The following PACRG variants were observed in gnomAD, a reference collection of about 807,000 sequenced individuals.
The protein encoded by PACRG is parkin coregulated.
Under a neutral mutation model 29.7 loss-of-function variants are expected in PACRG, and 29 were observed. The observed-to-expected ratio is 0.98, with a 90% CI of 0.73 to 1.33. The LOEUF is 1.33. PACRG is among the 40% of genes most tolerant of loss of function. The pLI is 0.00. For missense variants in PACRG, 279 were observed against 316.2 expected (o/e 0.88, Z 0.89); for synonymous variants, 116 against 118.7 (o/e 0.98, Z 0.15).
chr6:163,029,734 T>C (rs1025328261), intron 2 of PACRG, among the ~76,000 whole-genome samples: 2 of 152,154 alleles, frequency 1.3e-5, no homozygotes, highest in African/African-American at 4.8e-5. Context: ...GAAGGGGAGC[T>C]GCAGACCCTC....
chr6:163,126,379 C>G (rs113734554), intron 4 of PACRG, among the ~76,000 whole-genome samples: 3 of 152,276 alleles, frequency 2.0e-5, no homozygotes, highest in Non-Finnish European at 4.4e-5. Flanking sequence ...CATTAATCCC[C>G]CTAGATGAGC....
intron 1 of PACRG, among the ~76,000 whole-genome samples, chr6:162,789,852 A>T (rs762581659): frequency 2.6e-5 from 4 of 152,184 alleles, no homozygotes; most frequent in Non-Finnish European, 5.9e-5. Context: ...GACCACTTTT[A>T]AAAATATCAA....
intron 1 of PACRG, among the ~76,000 whole-genome samples, chr6:162,804,703 G>A (rs1786169631): frequency 1.3e-5 from 2 of 152,120 alleles, no homozygotes; most frequent in Non-Finnish European, 2.9e-5. Context: ...GACCTTGACT[G>A]AAAACCCTTC....
intron 4 of PACRG, among the ~76,000 whole-genome samples, chr6:163,304,805 C>T (rs1044457398): frequency 5.9e-5 from 9 of 152,142 alleles, no homozygotes; most frequent in East Asian, 5.8e-4. Flanking sequence ...TGCAAGTGAC[C>T]GGCTTCGTGA....
intron 1 of PACRG, among the ~76,000 whole-genome samples, chr6:162,794,343 T>C (rs1292437285): frequency 1.3e-5 from 2 of 152,182 alleles, no homozygotes; most frequent in Non-Finnish European, 2.9e-5. Flanking sequence ...TAATATGTTT[T>C]GAATACTAAT....
At chr6:162,935,083 A>G (rs1020997975) in intron 2 of PACRG, among the ~76,000 whole-genome samples, 2 of 151,936 alleles carry the variant, frequency 1.3e-5, no homozygotes, top group African/African-American at 4.8e-5. Context: ...CTTGTATGTG[A>G]TTGGATGCTT....
chr6:163,171,718 C>T (rs1779095663), intron 4 of PACRG, among the ~76,000 whole-genome samples: 1 of 152,166 alleles, frequency 6.6e-6, no homozygotes, highest in Non-Finnish European at 1.5e-5. Context: ...TAGATGTATA[C>T]AGAGGACTGA....
intron 1 of PACRG, among the ~76,000 whole-genome samples, chr6:162,801,563 A>G (rs926565682): frequency 1.3e-5 from 2 of 152,184 alleles, no homozygotes; most frequent in African/African-American, 2.4e-5. Flanking sequence ...GCACATGTTA[A>G]TTTTGGTTTT....
chr6:162,910,591 T>G lies in PACRG; in HGVS notation c.291+96310T>G, dbSNP rs146546913. On this transcript the variant is annotated intron_variant, in intron 2 of 4. Transcript: ENST00000366888. ...CACAAAAACCATTATATTAAACCTT[T>G]CTATTTGTGTAGATATTAGCAATTT... Among the ~76,000 whole-genome samples the G allele has an allele frequency of 8.9e-3, 1,354 of 152,336 alleles. 11 individuals are homozygous for G. Among genetic ancestry groups the G allele is most frequent in the Non-Finnish European group, 0.014 (932 of 68,024 alleles).
intron 2 of PACRG, among the ~76,000 whole-genome samples, chr6:162,886,485 C>T (rs1266087573): frequency 6.6e-6 from 1 of 152,188 alleles, no homozygotes; most frequent in African/African-American, 2.4e-5. Context: ...TGGCACGCGT[C>T]TCCTGGAAAG....
chr6:163,033,091 C>A (rs568608933), intron 2 of PACRG, among the ~76,000 whole-genome samples: 1 of 152,288 alleles, frequency 6.6e-6, no homozygotes, highest in East Asian at 1.9e-4. Context: ...AAAAAAATTA[C>A]ATTTCCATGC....
intron 4 of PACRG, chr6:163,111,941 A>G: frequency 2.2e-6 from 1 of 463,260 alleles, no homozygotes; most frequent in Non-Finnish European, 2.8e-6. Context: ...TAAGAAATTA[A>G]TCATATTCTG....
chr6:162,761,076 A>G lies in PACRG; in HGVS notation c.156+32685A>G, dbSNP rs1782320328. Among the ~76,000 whole-genome samples the G allele has an allele frequency of 2.6e-5, 4 of 152,174 alleles. No homozygotes were observed. In the South Asian group the frequency reaches 8.3e-4, roughly 31 times the overall value. Reference sequence around the variant, plus strand: ...CTTCTTTCTGGCCACTCTTCACCACAGGGCCCAGTGTCCTCATGGTGGCTG... The same window carrying G: ...CTTCTTTCTGGCCACTCTTCACCACGGGGCCCAGTGTCCTCATGGTGGCTG... On this transcript the variant is annotated intron_variant, in intron 1 of 4. Transcript: ENST00000366888.
At chr6:162,767,231 C>T (rs1002067023) in intron 1 of PACRG, among the ~76,000 whole-genome samples, 1 of 151,834 alleles carries the variant, frequency 6.6e-6, no homozygotes, top group African/African-American at 2.4e-5. Flanking sequence ...TTCTACTTAA[C>T]TATTTGACTT....
chr6:162,950,088 A>C (rs1265598910), intron 2 of PACRG, among the ~76,000 whole-genome samples: 1 of 152,196 alleles, frequency 6.6e-6, no homozygotes, highest in Non-Finnish European at 1.5e-5. Flanking sequence ...AAGAAATCAC[A>C]TTATGAATCC....
chr6:162,971,826 C>T (rs529675568), intron 2 of PACRG, among the ~76,000 whole-genome samples: 80 of 152,326 alleles, frequency 5.3e-4, no homozygotes, highest in African/African-American at 1.8e-3. Context: ...GTTGCAGAGG[C>T]AGCTCTTCCT....
intron 4 of PACRG, among the ~76,000 whole-genome samples, chr6:163,223,082 A>G (rs550928575): frequency 6.6e-6 from 1 of 152,338 alleles, no homozygotes; most frequent in South Asian, 2.1e-4. Flanking sequence ...TAACATACCT[A>G]GGGAAAAAGA....
intron 2 of PACRG, among the ~76,000 whole-genome samples, chr6:162,914,429 G>C (rs1382030280): frequency 6.6e-6 from 1 of 150,700 alleles, no homozygotes; most frequent in Non-Finnish European, 1.5e-5. Context: ...TTTATCTTTT[G>C]CCAACCTCAA....
At chr6:162,912,925 A>T (rs916985924) in intron 2 of PACRG, among the ~76,000 whole-genome samples, 6 of 125,942 alleles carry the variant, frequency 4.8e-5, no homozygotes, top group African/African-American at 2.0e-4. Flanking sequence ...AAACAAACAA[A>T]AAAAAAAAAA....
Sources: gnomAD v4.1 joint callset for allele counts (sites outside exome capture counted in the v4.1 genomes callset) on GRCh38, gnomAD v4.1.1 for gene constraint, MANE v1.5 for transcripts, NCBI Gene and HGNC (gene_info 2026-07-23, HGNC 2026-07-21) for gene names.